TOX: variants seen among roughly 807,000 people sequenced by gnomAD.
TOX encodes thymocyte selection associated high mobility group box, also known as thymocyte selection-associated high mobility group box protein TOX.
TOX carries 11 observed loss-of-function variants against 53.7 expected under a neutral mutation model. The observed-to-expected ratio is 0.20, with a 90% CI of 0.13 to 0.34. The LOEUF (loss-of-function observed/expected upper bound fraction) is 0.34. Ranked by LOEUF, TOX falls within the 10% of genes least tolerant of loss-of-function variation. TOX has a pLI of 1.00. For missense variants in TOX, 570 were observed against 664.6 expected, an observed-to-expected ratio of 0.86 and a Z score of 1.56; for synonymous variants, 225 against 245.3, an observed-to-expected ratio of 0.92 and a Z score of 0.77.
At chr8:58,958,683 A>G (rs1193449748) in intron 2 of TOX, among the ~76,000 whole-genome samples, 1 of 152,218 alleles carries the variant, frequency 6.6e-6, no homozygotes, top group African/African-American at 2.4e-5. Flanking sequence ...CAGCCTTCCA[A>G]AAGTATTCTT....
At chr8:58,970,694 G>C (rs2129179609) in intron 1 of TOX, among the ~76,000 whole-genome samples, 1 of 152,294 alleles carries the variant, frequency 6.6e-6, no homozygotes, top group East Asian at 1.9e-4. Flanking sequence ...TGAGCATTTT[G>C]AGGGCAGAGA....
intron 2 of TOX, among the ~76,000 whole-genome samples, chr8:58,951,711 T>C (rs1252891707): frequency 1.3e-5 from 2 of 152,236 alleles, no homozygotes; most frequent in Non-Finnish European, 2.9e-5. Context: ...AAGCCTTCGT[T>C]ACTGGTCTTA....
chr8:59,003,493 T>C (rs916419485), intron 1 of TOX, among the ~76,000 whole-genome samples: 4 of 152,192 alleles, frequency 2.6e-5, no homozygotes, highest in African/African-American at 7.2e-5. Context: ...AAGTTCAGGA[T>C]TCACGAGGAT....
chr8:58,953,062 AT>A (rs1301266627), intron 2 of TOX, among the ~76,000 whole-genome samples: 1 of 152,086 alleles, frequency 6.6e-6, no homozygotes, highest in Non-Finnish European at 1.5e-5. Flanking sequence ...TTTTTTAGGA[AT>A]TCATATTTTC....
intron 5 of TOX, among the ~76,000 whole-genome samples, chr8:58,834,843 C>A (rs1810520799): frequency 6.6e-6 from 1 of 152,168 alleles, no homozygotes; most frequent in South Asian, 2.1e-4. Context: ...TAATCTGCAG[C>A]CTCACTCTCT....
rs183428687 is a variant in TOX, at chr8:58,942,720, T to C, written c.169-3176A>G. Among the ~76,000 whole-genome samples, 335 of 152,318 alleles carry C rather than the reference T, an allele frequency of 2.2e-3. 7 individuals are homozygous for C. Among genetic ancestry groups the C allele is most frequent in the Non-Finnish European group, 2.1e-3 (143 of 68,032 alleles). On this transcript the variant is annotated intron_variant, in intron 2 of 8. Transcript: ENST00000361421. ...AATAAAGATACATTTAACTTAACAA[T>C]AGTTTTATAATTTAGACAATTTGCA... is the stretch of plus-strand genomic sequence containing the variant.
chr8:58,840,157 G>A (rs182388090), intron 4 of TOX, among the ~76,000 whole-genome samples: 48 of 152,250 alleles, frequency 3.2e-4, no homozygotes, highest in African/African-American at 9.1e-4. Flanking sequence ...CCTAAGCACC[G>A]AAAAGAGATA....
At chr8:58,866,936 C>T (rs1443355036) in intron 3 of TOX, among the ~76,000 whole-genome samples, 1 of 152,000 alleles carries the variant, frequency 6.6e-6, no homozygotes, top group Non-Finnish European at 1.5e-5. Flanking sequence ...ATTATATGAC[C>T]ACAACATGAC....
At chr8:59,108,845 C>G (rs1247819515) in intron 1 of TOX, among the ~76,000 whole-genome samples, 1 of 152,102 alleles carries the variant, frequency 6.6e-6, no homozygotes, top group African/African-American at 2.4e-5. Flanking sequence ...AGAACTACAC[C>G]AACACTATGC....
At chr8:59,062,208 G>A (rs753743561) in intron 1 of TOX, among the ~76,000 whole-genome samples, 1 of 152,158 alleles carries the variant, frequency 6.6e-6, no homozygotes, top group South Asian at 2.1e-4. Flanking sequence ...GTGGAGAAGG[G>A]GTAAGGAGAG....
At chr8:58,821,312 CCTA>C (rs989967153) in intron 6 of TOX, among the ~76,000 whole-genome samples, 31 of 152,100 alleles carry the variant, frequency 2.0e-4, no homozygotes, top group African/African-American at 7.2e-4. Flanking sequence ...CCTTTCTATA[CCTA>C]CTAATACTAA....
chr8:58,853,695 T>C (rs971748500), intron 3 of TOX, among the ~76,000 whole-genome samples: 15 of 152,238 alleles, frequency 9.9e-5, no homozygotes, highest in African/African-American at 3.6e-4. Context: ...TCAAATGTTG[T>C]CTACCCAAAT....
chr8:59,076,314 C>T (rs1423612310), intron 1 of TOX, among the ~76,000 whole-genome samples: 1 of 152,128 alleles, frequency 6.6e-6, no homozygotes, highest in African/African-American at 2.4e-5. Flanking sequence ...AGGTAAACTA[C>T]CCAGAGATAC....
chr8:58,981,208 T>G (rs972943217), intron 1 of TOX, among the ~76,000 whole-genome samples: 1 of 152,186 alleles, frequency 6.6e-6, no homozygotes, highest in African/African-American at 2.4e-5. Flanking sequence ...GATTAGAACT[T>G]CCTACCCTCC....
intron 6 of TOX, 84 bp downstream of exon 6, chr8:58,826,738 T>G: frequency 7.7e-6 from 9 of 1,167,642 alleles, no homozygotes; most frequent in Non-Finnish European, 1.1e-5. Flanking sequence ...ATCGTTAAAG[T>G]GATCTTTTAT....
intron 6 of TOX, among the ~76,000 whole-genome samples, chr8:58,821,201 C>G (rs1810269513): frequency 6.6e-6 from 1 of 151,932 alleles, no homozygotes; most frequent in Non-Finnish European, 1.5e-5. Flanking sequence ...TTTTTAATGT[C>G]ACTTTTAAAA....
intron 1 of TOX, among the ~76,000 whole-genome samples, chr8:58,986,202 C>A (rs918086213): frequency 6.6e-6 from 1 of 152,128 alleles, no homozygotes; most frequent in Non-Finnish European, 1.5e-5. Flanking sequence ...ACTCATGGTT[C>A]CACTAATCAC....
intron 4 of TOX, among the ~76,000 whole-genome samples, chr8:58,850,752 C>T (rs979323603): frequency 1.3e-5 from 2 of 152,144 alleles, no homozygotes; most frequent in African/African-American, 4.8e-5. Flanking sequence ...TGTCATCAGG[C>T]TAAATAAATC....
intron 3 of TOX, among the ~76,000 whole-genome samples, chr8:58,907,796 T>A (rs112437843): frequency 6.6e-6 from 1 of 152,172 alleles, no homozygotes; most frequent in Non-Finnish European, 1.5e-5. Context: ...ATAAAACTAG[T>A]GGCAATTCCT....
Sources: gnomAD v4.1 joint callset for allele counts (sites outside exome capture counted in the v4.1 genomes callset) on GRCh38, gnomAD v4.1.1 for gene constraint, MANE v1.5 for transcripts, NCBI Gene and HGNC (gene_info 2026-07-23, HGNC 2026-07-21) for gene names.